The following TEAD3 variants were observed in gnomAD, a reference collection of about 807,000 sequenced individuals.
TEAD3 encodes TEA domain transcription factor 3, also known as transcriptional enhancer factor TEF-5.
TEAD3 carries 15 observed loss-of-function variants against 55.6 expected under a neutral mutation model. The ratio of observed to expected loss-of-function variants is 0.27; its 90% CI spans 0.18 to 0.42. TEAD3 has a LOEUF of 0.42. Ranked by LOEUF, TEAD3 falls within the 10% of genes least tolerant of loss-of-function variation. The pLI is 1.00. For synonymous variants in TEAD3, 210 were observed against 232.2 expected (o/e 0.90, Z 0.87); for missense variants, 407 against 576.8 (o/e 0.71, Z 3.01).
rs1768381459 is a variant in TEAD3, at chr6:35,486,414, G to A, written c.202+47C>T. The A allele has an allele frequency of 1.9e-6, 3 of 1,575,806 alleles. No individual in the cohort carries two copies. The highest frequency in any genetic ancestry group is 1.3e-5 in the African/African-American group (1 of 74,358). The stretch of plus-strand genomic sequence containing the variant: ...CAAACCGGTTGGGTGAGAGGGCAGA[G>A]AGCAGGGGGAAGGGCCGCAGTCCCG... On this transcript the variant is annotated intron_variant, in intron 2 of 12. Coordinates refer to ENST00000639578, the Ensembl canonical transcript of TEAD3. The surrounding 1 kb of genome is among the most constrained non-coding windows in gnomAD (Gnocchi z 7.3).
chr6:35,489,281 A>G (rs1768453536), intron 1 of TEAD3, among the ~76,000 whole-genome samples: 1 of 152,194 alleles, frequency 6.6e-6, no homozygotes, highest in Non-Finnish European at 1.5e-5. Flanking sequence ...GAGGAACCCA[A>G]GAAACAGAGA....
At position 35,486,910 on chromosome 6, in the gene TEAD3, T is replaced by C. The variant is rs1032774880; in HGVS notation, c.-49-199A>G. Among the ~76,000 whole-genome samples the C allele has an allele frequency of 1.3e-5, 2 of 152,164 alleles. No individual in the cohort carries two copies. The highest frequency in any genetic ancestry group is 2.4e-5 in the African/African-American group (1 of 41,448). ...GTGTGACCTGGGATGCACGCGCTAC[T>C]TCACCTCTCTAGGCCTCAGTCCTGT... On this transcript the variant is annotated intron_variant, in intron 1 of 12. Transcript: ENST00000639578. This position sits in a 1 kb window ranked among gnomAD's most constrained non-coding sequence, Gnocchi z 7.3.
rs770491072 is a variant in TEAD3, at chr6:35,478,264, A to G, written c.530+11T>C. ...GGAAGAGGGCGTGGGATGATGAGCC[A>G]CAATACTCACTCCTGAGAGGGTCCA... On this transcript the variant is annotated intron_variant, in intron 7 of 12. Transcript: ENST00000639578. 6.2e-7 allele frequency: 1 copy of G among 1,613,096 alleles called. No homozygotes were observed. The highest frequency in any genetic ancestry group is 1.1e-5 in the South Asian group (1 of 90,976).
At chr6:35,495,964 G>C (rs1033969431) in intron 1 of TEAD3, among the ~76,000 whole-genome samples, 1 of 152,212 alleles carries the variant, frequency 6.6e-6, no homozygotes, top group African/African-American at 2.4e-5. Flanking sequence ...CGCACTGAAA[G>C]AATCTCTCAG....
At position 35,477,332 on chromosome 6, in the gene TEAD3, G is replaced by T. The variant is rs921776509; in HGVS notation, c.571C>A (p.Pro191Thr). 2.5e-6 allele frequency: 4 copies of T among 1,606,388 alleles called. No individual in the cohort carries two copies. In the African/African-American group the frequency reaches 5.3e-5, roughly 21 times the overall value. ...TTACTGCTGAGCGTCGGCGGCAGGGGCGGCTGGATGGGGTAGGCTGGCTGT... is the reference window on the plus strand; with the variant it reads ...TTACTGCTGAGCGTCGGCGGCAGGGTCGGCTGGATGGGGTAGGCTGGCTGT... The change falls in exon 8 of 13, where the codon CCC (proline) becomes ACC (threonine). Residue 191 changes from proline to threonine, a missense_variant. Coordinates refer to ENST00000639578, the Ensembl canonical transcript of TEAD3.
rs947240364 is a variant in TEAD3, at chr6:35,485,624, T to C, written c.202+837A>G. 1.3e-5 allele frequency among the ~76,000 whole-genome samples: 2 copies of C among 152,068 alleles called. No homozygotes were observed. The highest frequency in any genetic ancestry group is 2.9e-5 in the Non-Finnish European group (2 of 67,996). Reference sequence around the variant, plus strand: ...CCTGTCTAAAAATACCCTGTGGGGCTCCCCAGCCTGGGAGGCAGCAGTGGG... The same window carrying C: ...CCTGTCTAAAAATACCCTGTGGGGCCCCCCAGCCTGGGAGGCAGCAGTGGG... On this transcript the variant is annotated intron_variant, in intron 2 of 12. Coordinates refer to ENST00000639578, the Ensembl canonical transcript of TEAD3. The surrounding 1 kb of genome is among the most constrained non-coding windows in gnomAD (Gnocchi z 4.3).
chr6:35,494,605 G>A (rs749855980), intron 1 of TEAD3, among the ~76,000 whole-genome samples: 1 of 152,072 alleles, frequency 6.6e-6, no homozygotes, highest in Non-Finnish European at 1.5e-5. Context: ...AAGAGGCTGC[G>A]ACCTCCTAGC....
At chr6:35,493,447 AC>A (rs1227818181) in intron 1 of TEAD3, among the ~76,000 whole-genome samples, 11 of 151,892 alleles carry the variant, frequency 7.2e-5, no homozygotes, top group African/African-American at 2.7e-4. Flanking sequence ...GATAGTGACC[AC>A]CCACCCACAG....
chr6:35,476,144 G>C (rs550125897), intron 9 of TEAD3, 52 bp from the exon 10 acceptor site: 3 of 1,531,176 alleles, frequency 2.0e-6, no homozygotes, highest in East Asian at 2.4e-5. Context: ...TTGCAGGCCC[G>C]GGGGCGGGGA....
At chr6:35,494,512 C>T (rs149599317) in intron 1 of TEAD3, among the ~76,000 whole-genome samples, 7 of 152,324 alleles carry the variant, frequency 4.6e-5, no homozygotes, top group African/African-American at 1.7e-4. Context: ...GTGTGACCTG[C>T]TGACCTCCCC....
intron 8 of TEAD3, among the ~76,000 whole-genome samples, chr6:35,476,646 A>G (rs1241991550): frequency 6.6e-6 from 1 of 152,254 alleles, no homozygotes; most frequent in African/African-American, 2.4e-5. Flanking sequence ...TGTGTGTTTA[A>G]ACAGAAAACA....
chr6:35,484,666 T>G lies in TEAD3; in HGVS notation c.203-42A>C, dbSNP rs761480995. ...GAGAAAATGAGGAGTGGGCAAAGGG[T>G]GGAGCCAGAGGCTGGAGGCCCCCAC... is the stretch of plus-strand genomic sequence containing the variant. On this transcript the variant is annotated intron_variant, in intron 2 of 12. Transcript: ENST00000639578. This position sits in a 1 kb window ranked among gnomAD's most constrained non-coding sequence, Gnocchi z 5.8. 1 of 1,551,918 alleles carries G rather than the reference T, an allele frequency of 6.4e-7. No homozygotes were observed. The highest frequency in any genetic ancestry group is 1.2e-5 in the South Asian group (1 of 84,596).
intron 8 of TEAD3, 97 bp downstream of exon 8, chr6:35,477,213 AC>A (rs2150910938): frequency 1.5e-6 from 2 of 1,320,464 alleles, no homozygotes; most frequent in Non-Finnish European, 1.1e-6. Flanking sequence ...AGATGTCGCA[AC>A]CCCCTCCCTC....
intron 8 of TEAD3, among the ~76,000 whole-genome samples, chr6:35,477,052 C>T (rs1199494773): frequency 6.6e-6 from 1 of 152,144 alleles, no homozygotes; most frequent in African/African-American, 2.4e-5. Flanking sequence ...AACTCCTGAC[C>T]TCAGGTGATC....
In TEAD3 at chr6:35,495,411, C is replaced by T. The variant is rs369358298; in HGVS notation, c.-50+1487G>A. ...CAGATGCGCTCATTAGCATTAATGA[C>T]GTTCCCTCCCTGGGGGGGTAGGGGA... On this transcript the variant is annotated intron_variant, in intron 1 of 12. Coordinates refer to ENST00000639578, the Ensembl canonical transcript of TEAD3. Among the ~76,000 whole-genome samples, 7 of 152,302 alleles carry T rather than the reference C, an allele frequency of 4.6e-5. No homozygotes were observed. In the South Asian group the frequency reaches 6.2e-4, roughly 14 times the overall value.
rs985003604 is a variant in TEAD3, at chr6:35,496,640, T to C, written c.-50+258A>G. 2.6e-5 allele frequency among the ~76,000 whole-genome samples: 4 copies of C among 152,016 alleles called. No individual in the cohort carries two copies. The highest frequency in any genetic ancestry group is 4.4e-5 in the Non-Finnish European group (3 of 67,996). ...ACAGGCGACGGCACAGGGGACACGGTCTCCCCGGCTTCCCCACCTTCCCGG... is the reference window on the plus strand; with the variant it reads ...ACAGGCGACGGCACAGGGGACACGGCCTCCCCGGCTTCCCCACCTTCCCGG... On this transcript the variant is annotated intron_variant, in intron 1 of 12. Coordinates refer to ENST00000639578, the Ensembl canonical transcript of TEAD3. The surrounding 1 kb of genome is among the most constrained non-coding windows in gnomAD (Gnocchi z 4.8).
chr6:35,495,533 C>T (rs1768624892), intron 1 of TEAD3, among the ~76,000 whole-genome samples: 1 of 152,122 alleles, frequency 6.6e-6, no homozygotes, highest in South Asian at 2.1e-4. Flanking sequence ...CAGCCTTGTC[C>T]TGGAAGATCT....
At chr6:35,477,434 GC>G (rs3215481) in intron 7 of TEAD3, 62 bp from the exon 8 acceptor site, 186,963 of 1,516,656 alleles carry the variant, frequency 0.12, 18,647 homozygotes, top group African/African-American at 0.49. Context: ...ACCTGGCCCA[GC>G]CCCTCTTCCA....
chr6:35,491,165 A>G lies in TEAD3; in HGVS notation c.-49-4454T>C, dbSNP rs1327068020. ...CCCAACCCAGTGGGGGACAGACCAG[A>G]GCCCCGCAGAGTGAAGGGAGAGACC... On this transcript the variant is annotated intron_variant, in intron 1 of 12. Coordinates refer to ENST00000639578, the Ensembl canonical transcript of TEAD3. This position sits in a 1 kb window ranked among gnomAD's most constrained non-coding sequence, Gnocchi z 4.4. Among the ~76,000 whole-genome samples the G allele has an allele frequency of 6.6e-6, 1 of 151,890 alleles. No homozygotes were observed. The highest frequency in any genetic ancestry group is 1.5e-5 in the Non-Finnish European group (1 of 67,974).
Sources: allele counts gnomAD v4.1 joint callset (sites outside exome capture counted in the v4.1 genomes callset), GRCh38; gene constraint gnomAD v4.1.1; non-coding constraint Gnocchi (gnomAD v3.1); transcripts MANE v1.5; gene names NCBI Gene and HGNC (gene_info 2026-07-23, HGNC 2026-07-21).